The following ANK3 variants were observed in gnomAD, a reference collection of about 807,000 sequenced individuals.
ANK3 encodes the protein ankyrin 3, also known as ankyrin-3.
A neutral mutation model predicts 370.9 loss-of-function variants in ANK3; 57 were observed. That is an observed-to-expected ratio of 0.15 (90% CI 0.12 to 0.19). ANK3 has a LOEUF of 0.19. ANK3 is among the 10% of genes least tolerant of loss of function. The probability of loss-of-function intolerance (pLI) is 1.00; values close to 1 mark genes in which losing one functional copy is unlikely to be tolerated. For synonymous variants in ANK3, 1,929 were observed against 1,946.3 expected (o/e 0.99, Z 0.23); for missense variants, 4,439 against 5,302.1 (o/e 0.84, Z 5.06).
chr10:60,572,659 T>C, intron 2 of ANK3: 1 of 1,446,732 alleles, frequency 6.9e-7, no homozygotes, highest in South Asian at 1.5e-5. Flanking sequence ...AAGCAGCCGC[T>C]GCTTAAACCC....
chr10:60,579,745 C>T (rs2077726463), intron 2 of ANK3, among the ~76,000 whole-genome samples: 1 of 152,156 alleles, frequency 6.6e-6, no homozygotes, highest in African/African-American at 2.4e-5. Flanking sequence ...AACCAAATAA[C>T]TGAGAACACA....
At chr10:60,351,907 A>G (rs2056937491) in intron 1 of ANK3, among the ~76,000 whole-genome samples, 1 of 152,172 alleles carries the variant, frequency 6.6e-6, no homozygotes, top group South Asian at 2.1e-4. Flanking sequence ...TAAAAAGACC[A>G]AGAAATGCAT....
intron 1 of ANK3, among the ~76,000 whole-genome samples, chr10:60,380,003 A>ACC (rs111335036): frequency 1.2e-4 from 18 of 150,978 alleles, no homozygotes; most frequent in African/African-American, 3.7e-4. Context: ...AAATCGAAGA[A>ACC]CCCCCCCCAA....
intron 1 of ANK3, among the ~76,000 whole-genome samples, chr10:60,375,049 A>G (rs1175699779): frequency 6.6e-6 from 1 of 152,204 alleles, no homozygotes; most frequent in Non-Finnish European, 1.5e-5. Flanking sequence ...ACGCACAGAA[A>G]AACATTGAAA....
Position 60,190,250 on chromosome 10 carries a change from G to C in ANK3, c.1888-3338C>G, listed in dbSNP as rs552878203. On this transcript the variant is annotated intron_variant, in intron 16 of 43. Transcript: ENST00000280772. ...AAAAGGACAAAGGATGTGATCTGAT[G>C]ATGAGTTAACATTGAGGTTGCTGCT... Among the ~76,000 whole-genome samples the C allele has an allele frequency of 2.8e-4, 42 of 152,318 alleles. No individual in the cohort carries two copies. The South Asian group carries it at 5.6e-3, about 20-fold the overall frequency.
intron 34 of ANK3, 120 bp downstream of exon 34, chr10:60,082,495 A>C: frequency 7.5e-7 from 1 of 1,338,350 alleles, no homozygotes. Flanking sequence ...ACACGAGGAG[A>C]CTAATACAAC....
intron 1 of ANK3, among the ~76,000 whole-genome samples, chr10:60,338,562 G>A (rs1225660243): frequency 6.6e-6 from 1 of 152,162 alleles, no homozygotes; most frequent in Non-Finnish European, 1.5e-5. Flanking sequence ...TGCATGGTAT[G>A]TCAACATGTA....
chr10:60,346,749 C>T (rs1369360056), intron 1 of ANK3, among the ~76,000 whole-genome samples: 1 of 151,972 alleles, frequency 6.6e-6, no homozygotes, highest in African/African-American at 2.4e-5. Context: ...TAAGCTATGC[C>T]TCATGTCTTT....
intron 2 of ANK3, among the ~76,000 whole-genome samples, chr10:60,415,487 G>T (rs763503588): frequency 6.6e-6 from 1 of 152,152 alleles, no homozygotes; most frequent in Non-Finnish European, 1.5e-5. Context: ...AGTGTCCAGA[G>T]TTAGCCACCT....
intron 2 of ANK3, among the ~76,000 whole-genome samples, chr10:60,414,254 G>C (rs1567020786): frequency 6.6e-6 from 1 of 152,080 alleles, no homozygotes; most frequent in Non-Finnish European, 1.5e-5. Context: ...ATTCAATCCT[G>C]TTCCCAGCAA....
upstream of ANK3, among the ~76,000 whole-genome samples, chr10:60,393,863 T>C (rs1440658884): frequency 2.0e-5 from 3 of 151,854 alleles, no homozygotes; most frequent in Non-Finnish European, 2.9e-5. Context: ...TTAAAAAATA[T>C]TACACTGTAC....
At chr10:60,188,913 G>C (rs2096409562) in intron 16 of ANK3, among the ~76,000 whole-genome samples, 1 of 152,114 alleles carries the variant, frequency 6.6e-6, no homozygotes, top group African/African-American at 2.4e-5. Flanking sequence ...GCTACAATAA[G>C]TGACCAGCAT....
chr10:60,432,144 T>A lies in ANK3; in HGVS notation c.97-152505A>T, dbSNP rs900868848. On this transcript the variant is annotated intron_variant, in intron 2 of 43. Transcript: ENST00000373827. ...GCAGTATCACATTAAATAGGCCTAATATCCATACAAGTCAGAATAACTGTT... is the reference window on the plus strand; with the variant it reads ...GCAGTATCACATTAAATAGGCCTAAAATCCATACAAGTCAGAATAACTGTT... Among the ~76,000 whole-genome samples, 6 of 152,316 alleles carry A rather than the reference T, an allele frequency of 3.9e-5. No homozygotes were observed. The East Asian group carries it at 1.2e-3, about 29-fold the overall frequency.
intron 31 of ANK3, 84 bp from the exon 32 acceptor site, chr10:60,084,914 A>G (rs946838678): frequency 9.2e-7 from 1 of 1,088,928 alleles, no homozygotes; most frequent in Non-Finnish European, 1.3e-6. Flanking sequence ...AAAAAATCAG[A>G]ATATGTAAAG....
intron 1 of ANK3, among the ~76,000 whole-genome samples, chr10:60,732,298 C>A (rs1297035119): frequency 6.6e-6 from 1 of 152,198 alleles, no homozygotes; most frequent in African/African-American, 2.4e-5. Flanking sequence ...TTCTCAGGAA[C>A]CTTTCCCTAG....
chr10:60,721,430 G>A (rs2079861610), intron 1 of ANK3, among the ~76,000 whole-genome samples: 1 of 152,164 alleles, frequency 6.6e-6, no homozygotes. Context: ...AAAATAAAGA[G>A]TAAAACTGTT....
intron 2 of ANK3, among the ~76,000 whole-genome samples, chr10:60,397,726 G>T (rs1292525998): frequency 6.6e-6 from 1 of 152,156 alleles, no homozygotes; most frequent in Non-Finnish European, 1.5e-5. Flanking sequence ...CCACAACTTT[G>T]CAACTTTTTC....
chr10:60,716,791 C>T (rs1347541969), intron 1 of ANK3, among the ~76,000 whole-genome samples: 3 of 152,186 alleles, frequency 2.0e-5, no homozygotes, highest in Admixed American at 1.3e-4. Context: ...GGTGGGATTA[C>T]AGGCATGAAC....
rs75138500 is a variant in ANK3, at chr10:60,196,407, T to C, written c.1788+120A>G. On this transcript the variant is annotated intron_variant, in intron 15 of 43. Coordinates refer to ENST00000280772, the MANE Select transcript of ANK3 (RefSeq NM_020987.5). ...TTTACCTTTTATTTCCCAAGTGCTCTTCATCCTAGTGGGACTTAAATATTT... is the reference window on the plus strand; with the variant it reads ...TTTACCTTTTATTTCCCAAGTGCTCCTCATCCTAGTGGGACTTAAATATTT... 4,915 of 917,524 alleles carry C rather than the reference T, an allele frequency of 5.4e-3. 174 individuals are homozygous for C. The African/African-American group carries it at 0.074, about 14-fold the overall frequency. The allele number at this position is 917,524 out of a possible 1,614,324, so 56.8% of individuals were successfully genotyped here. A position where few individuals can be genotyped will look rare whatever the true frequency, so the allele number is the denominator to read the frequency against.
Sources: gnomAD v4.1 joint callset for allele counts (sites outside exome capture counted in the v4.1 genomes callset) on GRCh38, gnomAD v4.1.1 for gene constraint, MANE v1.5 for transcripts, NCBI Gene and HGNC (gene_info 2026-07-23, HGNC 2026-07-21) for gene names.